The following IQSEC3 variants were observed in gnomAD, a reference collection of about 807,000 sequenced individuals.
IQSEC3 encodes the protein IQ motif and Sec7 domain ArfGEF 3, also known as IQ motif and SEC7 domain-containing protein 3.
IQSEC3 carries 50 observed loss-of-function variants against 105.4 expected under a neutral mutation model. That is an observed-to-expected ratio of 0.47 (90% confidence interval 0.38 to 0.60). IQSEC3 has a LOEUF of 0.60. Among genes scored for constraint, IQSEC3 ranks in the 20% least tolerant of loss-of-function variants. The probability of loss-of-function intolerance (pLI) is 0.00; values close to 1 mark genes in which losing one functional copy is unlikely to be tolerated. For missense variants in IQSEC3, 1,415 were observed against 1,630.0 expected, an observed-to-expected ratio of 0.87 and a Z score of 2.27; for synonymous variants, 708 against 746.0, an observed-to-expected ratio of 0.95 and a Z score of 0.83.
rs376437020 is a variant in IQSEC3 at position 174,810 on chromosome 12, G to A, written c.3326G>A (p.Arg1109His). 21 of 1,583,004 alleles carry A rather than the reference G, an allele frequency of 1.3e-5. No homozygotes were observed. Among genetic ancestry groups the A allele is most frequent in the South Asian group, 8.0e-5 (7 of 87,760 alleles). The change falls in exon 14 of 14, where the codon CGC becomes CAC. Residue 1109 changes from arginine (R) to histidine (H), a missense_variant. Physicochemically the swap from Arg to His is conservative, Grantham distance 29. Around this residue, in one of 6 missense-constraint regions of IQSEC3, gnomAD observed 419 missense variants for 436.2 expected, o/e 0.96. Transcript: ENST00000538872. ...VIVLDKPCLA[R>H]MEPLLSQALS... ...GTCCTGGACAAGCCCTGCCTGGCCC[G>A]CATGGAGCCCCTGCTGAGCCAGGCT...
intron 3 of IQSEC3, among the ~76,000 whole-genome samples, chr12:128,882 G>A (rs1284910164): frequency 5.3e-5 from 8 of 152,138 alleles, no homozygotes; most frequent in Admixed American, 4.6e-4. Flanking sequence ...GGCTCCTCAC[G>A]GTGTGCAGGA....
chr12:138,173 A>C lies in IQSEC3; in HGVS notation c.904-94A>C. 1 of 1,166,638 alleles carries C rather than the reference A, an allele frequency of 8.6e-7. No individual in the cohort carries two copies. Among genetic ancestry groups the C allele is most frequent in the Non-Finnish European group, 1.2e-6 (1 of 820,916 alleles). 72.3% of individuals were successfully genotyped at this position (1,166,638 alleles called of 1,614,324 possible). Reference sequence around the variant, plus strand: ...CCGCCCCCGTCCATTCCTGGGCCCCACCCGAGTGTGGCCGGGTGACTCCAC... The same window carrying C: ...CCGCCCCCGTCCATTCCTGGGCCCCCCCCGAGTGTGGCCGGGTGACTCCAC... On this transcript the variant is annotated intron_variant, in intron 3 of 13. Coordinates refer to ENST00000538872, the MANE Select transcript of IQSEC3 (RefSeq NM_001170738.2). The surrounding 1 kb of genome is among the most constrained non-coding windows in gnomAD (Gnocchi z 7.1).
chr12:152,817 G>T lies in IQSEC3; in HGVS notation c.2154-4208G>T, dbSNP rs1458802880. On this transcript the variant is annotated intron_variant, in intron 5 of 13. Transcript: ENST00000538872. This position sits in a 1 kb window ranked among gnomAD's most constrained non-coding sequence, Gnocchi z 4.8. ...TGTGGGAGCATGGGGCCAGCCCTAC[G>T]TGGCATTAGTTTTGTCTTCTGTAAA... Among the ~76,000 whole-genome samples, 2 of 152,184 alleles carry T rather than the reference G, an allele frequency of 1.3e-5. No homozygotes were observed. The highest frequency in any genetic ancestry group is 4.8e-5 in the African/African-American group (2 of 41,450).
At chr12:146,716 G>C (rs1178537094) in intron 5 of IQSEC3, among the ~76,000 whole-genome samples, 1 of 147,824 alleles carries the variant, frequency 6.8e-6, no homozygotes, top group African/African-American at 2.5e-5. Flanking sequence ...GGGAGGGAGG[G>C]AGGGAGGAGG....
chr12:161,679 G>A (rs1565445675), intron 7 of IQSEC3, among the ~76,000 whole-genome samples: 1 of 152,174 alleles, frequency 6.6e-6, no homozygotes, highest in Non-Finnish European at 1.5e-5. Context: ...TGAAGACTCT[G>A]GTTGGGGAAC....
intron 2 of IQSEC3, among the ~76,000 whole-genome samples, chr12:118,434 C>T (rs1021212465): frequency 7.3e-5 from 11 of 151,028 alleles, no homozygotes; most frequent in East Asian, 1.9e-4. Flanking sequence ...CTTGAGGGGA[C>T]GTGACGCATG....
intron 1 of IQSEC3, among the ~76,000 whole-genome samples, chr12:92,865 A>G (rs1331284695): frequency 6.6e-6 from 1 of 152,162 alleles, no homozygotes; most frequent in Non-Finnish European, 1.5e-5. Flanking sequence ...TTGAGGAGAC[A>G]TTTTCTGCCC....
At chr12:125,991 T>A (rs557666346) in intron 3 of IQSEC3, 79 bp downstream of exon 3, 48 of 1,380,140 alleles carry the variant, frequency 3.5e-5, no homozygotes, top group South Asian at 1.7e-4. Flanking sequence ...ACCAGGGATA[T>A]CCCCGCTGGG....
intron 5 of IQSEC3, among the ~76,000 whole-genome samples, chr12:153,233 A>C (rs926065947): frequency 3.3e-5 from 5 of 152,120 alleles, no homozygotes; most frequent in African/African-American, 1.2e-4. Context: ...TATGGTAGAC[A>C]GCACAGTCCC....
chr12:115,553 A>G (rs1394519939), intron 2 of IQSEC3, among the ~76,000 whole-genome samples: 1 of 152,190 alleles, frequency 6.6e-6, no homozygotes, highest in Non-Finnish European at 1.5e-5. Flanking sequence ...GAAGCTGGGG[A>G]TGCATAAAGG....
At chr12:150,075 G>C (rs3888294) in intron 5 of IQSEC3, among the ~76,000 whole-genome samples, 48,222 of 151,966 alleles carry the variant, frequency 0.32, 8,581 homozygotes, top group Admixed American at 0.41. Context: ...TGATGAGAAA[G>C]GATGAAGCCC....
chr12:139,205 G>GGCCTCC lies in IQSEC3; in HGVS notation c.1849_1854dup (p.Ala617_Ser618dup). The GGCCTCC allele has an allele frequency of 1.3e-6, 2 of 1,592,410 alleles. No individual in the cohort carries two copies. The highest frequency in any genetic ancestry group is 3.3e-4 in the Middle Eastern group (2 of 6,048). ...CCGCCAAGTCAGGCTCGGAGGCGTC[G>GGCCTCC]GCCTCCGCCTCCAAGGACGCCCTGC... is the stretch of plus-strand genomic sequence containing the variant. On this transcript the variant is annotated inframe_insertion, in exon 4 of 14. Coordinates refer to ENST00000538872, the MANE Select transcript of IQSEC3 (RefSeq NM_001170738.2).
In IQSEC3 at chr12:138,206, C is replaced by T. The variant is rs1176411539; in HGVS notation, c.904-61C>T. On this transcript the variant is annotated intron_variant, in intron 3 of 13. Transcript: ENST00000538872. This position sits in a 1 kb window ranked among gnomAD's most constrained non-coding sequence, Gnocchi z 7.1. ...GTGGCCGGGTGACTCCACCACTCCT[C>T]AGAAGGGCTGACCACCCTTCCCCTC... 5 of 1,474,386 alleles carry T rather than the reference C, an allele frequency of 3.4e-6. No individual in the cohort carries two copies. The highest frequency in any genetic ancestry group is 2.8e-5 in the African/African-American group (2 of 71,634). The allele number at this position is 1,474,386 out of a possible 1,614,324, so 91.3% of individuals were successfully genotyped here. A position where few individuals can be genotyped will look rare whatever the true frequency, so the allele number is the denominator to read the frequency against.
At chr12:173,237 G>A (rs1477407822) in intron 13 of IQSEC3, among the ~76,000 whole-genome samples, 1 of 152,234 alleles carries the variant, frequency 6.6e-6, no homozygotes, top group African/African-American at 2.4e-5. Context: ...GGGGCTCAGG[G>A]CACCTTCGTT....
At chr12:156,008 T>A (rs1260484708) in intron 5 of IQSEC3, among the ~76,000 whole-genome samples, 1 of 152,136 alleles carries the variant, frequency 6.6e-6, no homozygotes, top group Non-Finnish European at 1.5e-5. Flanking sequence ...TTGCTGCACA[T>A]GGCCCTGGGG....
chr12:100,973 C>A (rs1291144137), intron 2 of IQSEC3, among the ~76,000 whole-genome samples: 3 of 152,156 alleles, frequency 2.0e-5, no homozygotes, highest in African/African-American at 7.2e-5. Context: ...AACTGCCTTC[C>A]TTGGTAGAAG....
intron 2 of IQSEC3, among the ~76,000 whole-genome samples, chr12:115,567 C>T (rs974149623): frequency 3.9e-5 from 6 of 152,146 alleles, no homozygotes; most frequent in Admixed American, 1.3e-4. Context: ...ATAAAGGGCC[C>T]AGATTAGGGG....
At chr12:145,633 G>A (rs782299119) in intron 5 of IQSEC3, among the ~76,000 whole-genome samples, 38 of 152,214 alleles carry the variant, frequency 2.5e-4, no homozygotes, top group Non-Finnish European at 4.9e-4. Context: ...TGCAGCCTGA[G>A]GAAGCCCGGT....
chr12:151,018 G>T (rs868922123), intron 5 of IQSEC3, among the ~76,000 whole-genome samples: 38 of 140,816 alleles, frequency 2.7e-4, no homozygotes, highest in African/African-American at 4.0e-4. Flanking sequence ...GCCCCTGGGT[G>T]CTCCTGAGAT....
Sources: allele counts gnomAD v4.1 joint callset (sites outside exome capture counted in the v4.1 genomes callset), GRCh38; gene constraint gnomAD v4.1.1; regional missense constraint gnomAD v4.1.1; non-coding constraint Gnocchi (gnomAD v3.1); transcripts MANE v1.5; gene names NCBI Gene and HGNC (gene_info 2026-07-23, HGNC 2026-07-21).